Variants in RAB38 observed in about 807,000 individuals in gnomAD.
The protein encoded by RAB38 is ras-related protein Rab-38.
RAB38 carries 15 observed loss-of-function variants against 18.4 expected under a neutral mutation model. The observed-to-expected ratio is 0.82, with a 90% confidence interval of 0.55 to 1.26. RAB38 has a LOEUF of 1.26. Ranked by LOEUF, RAB38 falls within the 50% of genes most tolerant of loss-of-function variation. RAB38 has a pLI of 0.00. For synonymous variants in RAB38, 101 were observed against 104.4 expected (o/e 0.97, Z 0.20); for missense variants, 294 against 267.4 (o/e 1.10, Z -0.69).
chr11:88,031,331 T>C, the RAB38 span, among the ~76,000 whole-genome samples: 70,879 of 142,344 alleles, frequency 0.5, 18,997 homozygotes, highest in Non-Finnish European at 0.61. Context: ...GACAGGGATG[T>C]CCTCTCTCAC....
chr11:87,845,647 G>T, the RAB38 span, among the ~76,000 whole-genome samples: 1 of 152,078 alleles, frequency 6.6e-6, no homozygotes, highest in Non-Finnish European at 1.5e-5. Flanking sequence ...ATGGCTGAAT[G>T]CTTTCAAGCT....
the RAB38 span, among the ~76,000 whole-genome samples, chr11:88,050,562 A>G: frequency 2.0e-5 from 3 of 152,234 alleles, no homozygotes; most frequent in African/African-American, 7.2e-5. Flanking sequence ...ATTCCTAGAA[A>G]GCTAATTTTA....
chr11:88,114,004 C>G lies in RAB38; in HGVS notation c.620G>C (p.Gly207Ala), dbSNP rs755802884. The change falls in exon 3 of 3, where the codon GGC becomes GCC. Residue 207 changes from glycine (G) to alanine (A), a missense_variant. Coordinates refer to ENST00000243662, the MANE Select transcript of RAB38 (RefSeq NM_022337.3). ...LTSTKVASCS[G>A]CAKS ...AGGTGCCTACTAGGATTTGGCACAG[C>G]CAGAGCAGCTGGCAACCTTGGTTGA... The G allele has an allele frequency of 6.2e-7, 1 of 1,614,144 alleles. No homozygotes were observed. Among genetic ancestry groups the G allele is most frequent in the Non-Finnish European group, 8.5e-7 (1 of 1,180,010 alleles).
At chr11:87,958,003 G>A in the RAB38 span, among the ~76,000 whole-genome samples, 379 of 152,078 alleles carry the variant, frequency 2.5e-3, 1 homozygote, top group Middle Eastern at 0.014. Context: ...ACAATGATTC[G>A]ACTTACGATT....
chr11:87,904,353 A>G, the RAB38 span, among the ~76,000 whole-genome samples: 1 of 151,858 alleles, frequency 6.6e-6, no homozygotes, highest in Non-Finnish European at 1.5e-5. Context: ...TTGGTTTTCT[A>G]TTCCAGCATT....
At chr11:88,136,699 T>C (rs183208213) in intron 2 of RAB38, among the ~76,000 whole-genome samples, 1 of 152,204 alleles carries the variant, frequency 6.6e-6, no homozygotes, top group Non-Finnish European at 1.5e-5. Context: ...TTTAGCAGAG[T>C]ATAGATAGTA....
At chr11:87,953,357 G>A in the RAB38 span, among the ~76,000 whole-genome samples, 6 of 152,096 alleles carry the variant, frequency 3.9e-5, no homozygotes, top group Admixed American at 1.3e-4. Context: ...ATTCTTTCCA[G>A]CTTTTTAGTC....
chr11:87,934,697 C>T, the RAB38 span, among the ~76,000 whole-genome samples: 1 of 151,896 alleles, frequency 6.6e-6, no homozygotes, highest in East Asian at 1.9e-4. Flanking sequence ...AAATCTTGCA[C>T]TCATGAATAT....
At chr11:88,092,349 A>G in the RAB38 span, among the ~76,000 whole-genome samples, 1 of 75,184 alleles carries the variant, frequency 1.3e-5, no homozygotes, top group Non-Finnish European at 2.7e-5. Flanking sequence ...AGAGAGAGGG[A>G]GGGAGAGAGA....
At chr11:88,157,195 C>T (rs561693652) in intron 1 of RAB38, among the ~76,000 whole-genome samples, 5 of 152,274 alleles carry the variant, frequency 3.3e-5, no homozygotes, top group African/African-American at 7.2e-5. Context: ...GGTTGTCATT[C>T]CTACGTCAGA....
chr11:87,893,384 A>ATG, the RAB38 span, among the ~76,000 whole-genome samples: 14,349 of 50,140 alleles, frequency 0.29, 1,133 homozygotes, highest in South Asian at 0.46. Context: ...ATATATATAT[A>ATG]TATATATTTT....
intron 1 of RAB38, chr11:88,173,624 A>G: frequency 1.0e-6 from 1 of 985,414 alleles, no homozygotes; most frequent in Non-Finnish European, 1.2e-6. Flanking sequence ...TTAAACAGTA[A>G]GCCGTTTCTA....
the RAB38 span, among the ~76,000 whole-genome samples, chr11:87,874,162 C>A: frequency 2.0e-5 from 3 of 150,832 alleles, no homozygotes; most frequent in Non-Finnish European, 3.0e-5. Context: ...TTTATGTTTA[C>A]TTCTATTTTT....
the RAB38 span, among the ~76,000 whole-genome samples, chr11:88,029,057 A>G: frequency 0.52 from 78,180 of 151,770 alleles, 21,658 homozygotes; most frequent in Non-Finnish European, 0.62. Context: ...AAGCCAGAAG[A>G]GAGTGGGGGC....
chr11:87,907,156 T>C, the RAB38 span, among the ~76,000 whole-genome samples: 2 of 152,008 alleles, frequency 1.3e-5, no homozygotes, highest in South Asian at 4.1e-4. Flanking sequence ...TTCCAAAGAG[T>C]TTCTCAATTG....
intron 2 of RAB38, among the ~76,000 whole-genome samples, chr11:88,143,085 T>C (rs1192789315): frequency 6.6e-6 from 1 of 152,226 alleles, no homozygotes; most frequent in African/African-American, 2.4e-5. Flanking sequence ...AATGTGGTGG[T>C]TGGGTGGCTA....
At chr11:87,886,818 G>T in the RAB38 span, among the ~76,000 whole-genome samples, 1 of 137,716 alleles carries the variant, frequency 7.3e-6, no homozygotes. Context: ...TGATGCTGAA[G>T]CACTTGTTTT....
At chr11:88,157,970 A>C (rs1943145970) in intron 1 of RAB38, among the ~76,000 whole-genome samples, 1 of 152,130 alleles carries the variant, frequency 6.6e-6, no homozygotes, top group Admixed American at 6.6e-5. Flanking sequence ...AAATACATAC[A>C]AAGTATCAAT....
chr11:87,971,248 T>C, the RAB38 span, among the ~76,000 whole-genome samples: 1 of 152,080 alleles, frequency 6.6e-6, no homozygotes, highest in South Asian at 2.1e-4. Context: ...TGAGACGCTC[T>C]GGCAGAGAAG....
Sources: gnomAD v4.1 joint callset for allele counts (sites outside exome capture counted in the v4.1 genomes callset) on GRCh38, gnomAD v4.1.1 for gene constraint, MANE v1.5 for transcripts, NCBI Gene and HGNC (gene_info 2026-07-23, HGNC 2026-07-21) for gene names.